CLASP2: variants seen among roughly 807,000 people sequenced by gnomAD.
The protein encoded by CLASP2 is CLIP-associating protein 2.
A neutral mutation model predicts 194.4 loss-of-function variants in CLASP2; 47 were observed. That is an observed-to-expected ratio of 0.24 (90% confidence interval 0.19 to 0.31). The LOEUF (loss-of-function observed/expected upper bound fraction) is 0.31. Ranked by LOEUF, CLASP2 falls within the 10% of genes least tolerant of loss-of-function variation. CLASP2 has a pLI of 1.00. For synonymous variants in CLASP2, 619 were observed against 633.5 expected (o/e 0.98, Z 0.34); for missense variants, 1,445 against 1,823.6 (o/e 0.79, Z 3.78).
chr3:33,681,623 A>T (rs1244902408), intron 6 of CLASP2, among the ~76,000 whole-genome samples: 1 of 152,250 alleles, frequency 6.6e-6, no homozygotes, highest in Non-Finnish European at 1.5e-5. Flanking sequence ...TTCAACAAAT[A>T]AAACACAAGG....
chr3:33,599,760 C>T (rs549340378), intron 18 of CLASP2, among the ~76,000 whole-genome samples: 4 of 151,878 alleles, frequency 2.6e-5, no homozygotes, highest in East Asian at 3.9e-4. Flanking sequence ...TGAGACACAG[C>T]GGGTAGGGTG....
chr3:33,508,852 T>C lies in CLASP2; in HGVS notation c.4317+1706A>G, dbSNP rs571009250. Among the ~76,000 whole-genome samples, 6 of 152,338 alleles carry C rather than the reference T, an allele frequency of 3.9e-5. No homozygotes were observed. The South Asian group carries it at 8.3e-4, about 21-fold the overall frequency. ...AAACTCATGAATTTCACTTTAAAAT[T>C]TGATGTATTTTAATTCATTGTAGCA... On this transcript the variant is annotated intron_variant, in intron 37 of 38. Coordinates refer to ENST00000682230, the MANE Select transcript of CLASP2 (RefSeq NM_001365631.1).
At chr3:33,713,972 G>A (rs932296804) in intron 1 of CLASP2, among the ~76,000 whole-genome samples, 2 of 152,120 alleles carry the variant, frequency 1.3e-5, no homozygotes, top group African/African-American at 4.8e-5. Context: ...AAAGGAATAT[G>A]GATATTCTAA....
At chr3:33,563,218 T>C (rs1372518346) in intron 27 of CLASP2, among the ~76,000 whole-genome samples, 1 of 152,218 alleles carries the variant, frequency 6.6e-6, no homozygotes, top group Admixed American at 6.5e-5. Flanking sequence ...TCATGATGTA[T>C]AATAGCTTCT....
At chr3:33,690,709 T>G (rs2091252434) in intron 2 of CLASP2, among the ~76,000 whole-genome samples, 1 of 152,220 alleles carries the variant, frequency 6.6e-6, no homozygotes, top group Admixed American at 6.5e-5. Flanking sequence ...TGCACCATTC[T>G]GAGTAGCATG....
At chr3:33,510,359 T>C (rs951955339) in intron 37 of CLASP2, among the ~76,000 whole-genome samples, 199 bp downstream of exon 37, 1 of 152,160 alleles carries the variant, frequency 6.6e-6, no homozygotes, top group Non-Finnish European at 1.5e-5. Context: ...CAATTAAAAA[T>C]CGTTAATTTT....
intron 1 of CLASP2, among the ~76,000 whole-genome samples, chr3:33,709,558 C>G (rs748815993): frequency 6.6e-6 from 1 of 152,004 alleles, no homozygotes; most frequent in Admixed American, 6.6e-5. Context: ...AGAGATGTGA[C>G]GACGTTATAC....
At chr3:33,526,380 AAGT>A in intron 34 of CLASP2, among the ~76,000 whole-genome samples, 1 of 152,336 alleles carries the variant, frequency 6.6e-6, no homozygotes, top group Middle Eastern at 3.4e-3. Flanking sequence ...AAAAAAGACA[AAGT>A]AGGACATTAC....
At chr3:33,619,400 C>G (rs2076751973) in intron 12 of CLASP2, among the ~76,000 whole-genome samples, 1 of 151,964 alleles carries the variant, frequency 6.6e-6, no homozygotes. Flanking sequence ...ACTTTGCAAT[C>G]CTCTAGTTCT....
intron 8 of CLASP2, among the ~76,000 whole-genome samples, chr3:33,643,922 G>A (rs1246599608): frequency 1.3e-5 from 2 of 151,854 alleles, no homozygotes; most frequent in African/African-American, 4.8e-5. Context: ...TGTAAACAAG[G>A]AAAGATATGT....
intron 9 of CLASP2, 134 bp from the exon 10 acceptor site, chr3:33,627,214 G>T (rs1377294402): frequency 3.0e-6 from 2 of 677,596 alleles, no homozygotes; most frequent in Non-Finnish European, 2.7e-6. Flanking sequence ...ATGGAGAATA[G>T]AAATACATTA....
chr3:33,692,137 C>A (rs2091421739), intron 2 of CLASP2, among the ~76,000 whole-genome samples: 2 of 151,884 alleles, frequency 1.3e-5, no homozygotes, highest in Admixed American at 1.3e-4. Flanking sequence ...CCACTGCACT[C>A]CAATCTAGGC....
intron 29 of CLASP2, chr3:33,554,957 A>G (rs932696545): frequency 6.6e-6 from 1 of 152,282 alleles, no homozygotes. Context: ...ATGTGGGGTA[A>G]GAAATAGTTT....
intron 35 of CLASP2, among the ~76,000 whole-genome samples, 190 bp downstream of exon 35, chr3:33,516,791 T>C (rs981848977): frequency 7.9e-5 from 12 of 152,240 alleles, no homozygotes; most frequent in Admixed American, 2.0e-4. Flanking sequence ...TCATTTTTCC[T>C]GTTAATTGTT....
At chr3:33,542,476 T>C (rs1337779506) in intron 32 of CLASP2, among the ~76,000 whole-genome samples, 2 of 149,076 alleles carry the variant, frequency 1.3e-5, no homozygotes, top group African/African-American at 4.9e-5. Context: ...ATAATAAATA[T>C]AAAAACAGGG....
chr3:33,714,740 C>A (rs1044185670), intron 1 of CLASP2, among the ~76,000 whole-genome samples: 1 of 152,092 alleles, frequency 6.6e-6, no homozygotes, highest in Admixed American at 6.6e-5. Context: ...TAAAACCCCC[C>A]ACTGTATTTA....
Position 33,568,553 on chromosome 3 carries a change from C to CAAAAAAAAAAAAAA in CLASP2, c.2764-1833_2764-1820dup, listed in dbSNP as rs568821764. ...TGGGTGACAGAAAGAGATCTTGTCT[C>CAAAAAAAAAAAAAA]AAAAAAAAAAAAAAAAAAAAAATTA... On this transcript the variant is annotated intron_variant, in intron 26 of 38. Transcript: ENST00000682230. 6.5e-3 allele frequency among the ~76,000 whole-genome samples: 369 copies of CAAAAAAAAAAAAAA among 56,712 alleles called. 14 individuals carry two copies. The highest frequency in any genetic ancestry group is 9.2e-3 in the Non-Finnish European group (295 of 32,126). 37.2% of individuals were successfully genotyped at this position (56,712 alleles called of 152,430 possible). A position where few individuals can be genotyped will look rare whatever the true frequency, so the allele number is the denominator to read the frequency against.
intron 6 of CLASP2, among the ~76,000 whole-genome samples, chr3:33,677,257 A>G (rs1487645051): frequency 6.6e-6 from 1 of 152,114 alleles, no homozygotes; most frequent in African/African-American, 2.4e-5. Context: ...ATGCACATTT[A>G]TGTTTATTGC....
chr3:33,588,384 C>T (rs377474014), intron 21 of CLASP2, among the ~76,000 whole-genome samples: 3 of 152,174 alleles, frequency 2.0e-5, no homozygotes, highest in Admixed American at 2.0e-4. Flanking sequence ...AACTTGACAT[C>T]GAACACCTAT....
Sources: allele counts gnomAD v4.1 joint callset (sites outside exome capture counted in the v4.1 genomes callset), GRCh38; gene constraint gnomAD v4.1.1; transcripts MANE v1.5; gene names NCBI Gene and HGNC (gene_info 2026-07-23, HGNC 2026-07-21).